Variants in LPIN1 observed in about 807,000 individuals in gnomAD.
The protein encoded by LPIN1 is lipin 1.
In LPIN1, 71 loss-of-function variants were observed where a neutral mutation model predicts 107.5. The ratio of observed to expected loss-of-function variants is 0.66; its 90% CI spans 0.55 to 0.80. LPIN1 has a LOEUF of 0.80. Among genes scored for constraint, LPIN1 ranks in the 30% least tolerant of loss-of-function variants. The probability of loss-of-function intolerance (pLI) is 0.00; values close to 1 mark genes in which losing one functional copy is unlikely to be tolerated. For synonymous variants in LPIN1, 445 were observed against 452.6 expected, an observed-to-expected ratio of 0.98 and a Z score of 0.21; for missense variants, 1,043 against 1,160.6, an observed-to-expected ratio of 0.90 and a Z score of 1.47.
intron 20 of LPIN1, among the ~76,000 whole-genome samples, chr2:11,824,265 G>T (rs955456687): frequency 2.2e-4 from 33 of 151,576 alleles, no homozygotes; most frequent in Non-Finnish European, 4.4e-4. Flanking sequence ...CCAAAGATGT[G>T]CCTTGTCTGT....
At chr2:11,817,274 G>A (rs1680733678) in intron 18 of LPIN1, 1 of 152,214 alleles carries the variant, frequency 6.6e-6, no homozygotes, top group Non-Finnish European at 1.5e-5. Context: ...GGTAGTGGGT[G>A]GATATGCGTG....
chr2:11,691,918 A>G (rs772359638), intron 1 of LPIN1, among the ~76,000 whole-genome samples: 1 of 152,218 alleles, frequency 6.6e-6, no homozygotes, highest in Non-Finnish European at 1.5e-5. Context: ...ATCTTATCAA[A>G]TGCTTCTCTG....
At chr2:11,752,462 C>A (rs1219592364) in intron 1 of LPIN1, among the ~76,000 whole-genome samples, 1 of 73,444 alleles carries the variant, frequency 1.4e-5, no homozygotes, top group African/African-American at 1.8e-4. Context: ...GACGGAGTCT[C>A]GCTCTGTCGC....
intron 1 of LPIN1, chr2:11,677,772 C>T: frequency 6.8e-7 from 1 of 1,464,264 alleles, no homozygotes; most frequent in Non-Finnish European, 9.2e-7. Context: ...AGCCCCTGCT[C>T]TTCCTCCTTC....
At chr2:11,718,835 T>C (rs532037975) in intron 2 of LPIN1, among the ~76,000 whole-genome samples, 11 of 152,220 alleles carry the variant, frequency 7.2e-5, no homozygotes, top group Non-Finnish European at 1.3e-4. Flanking sequence ...TGGGGGACAA[T>C]TCCCTTCTCC....
upstream of LPIN1, among the ~76,000 whole-genome samples, chr2:11,744,024 C>G (rs1419270189): frequency 6.6e-6 from 1 of 152,254 alleles, no homozygotes; most frequent in African/African-American, 2.4e-5. Context: ...TCCCATGATG[C>G]CTTTTTCATC....
upstream of LPIN1, among the ~76,000 whole-genome samples, chr2:11,743,327 G>A (rs1666558808): frequency 1.3e-5 from 2 of 152,178 alleles, no homozygotes; most frequent in African/African-American, 4.8e-5. The surrounding 1 kb of genome is among the most constrained non-coding windows in gnomAD (Gnocchi z 4.7). Context: ...CTGTGCTTTG[G>A]TTCCAGCTGT....
chr2:11,743,364 C>T (rs929513017), upstream of LPIN1, among the ~76,000 whole-genome samples: 2 of 152,202 alleles, frequency 1.3e-5, no homozygotes, highest in Non-Finnish European at 2.9e-5. The surrounding 1 kb of genome is among the most constrained non-coding windows in gnomAD (Gnocchi z 4.7). Context: ...ACTGTCCTCT[C>T]CCTGCGGAAC....
At chr2:11,745,407 C>T (rs1385020769), upstream of LPIN1, 1 of 152,152 alleles carries the variant, frequency 6.6e-6, no homozygotes, top group Non-Finnish European at 1.5e-5. Context: ...ATATAATTCC[C>T]AGGTTTAAAA....
At chr2:11,809,576 C>T (rs1290614610) in intron 17 of LPIN1, among the ~76,000 whole-genome samples, 1 of 152,306 alleles carries the variant, frequency 6.6e-6, no homozygotes, top group South Asian at 2.1e-4. Context: ...GCCACCACGC[C>T]CGGGTAATTT....
At chr2:11,761,211 A>G (rs1300347951) in intron 1 of LPIN1, among the ~76,000 whole-genome samples, 1 of 152,226 alleles carries the variant, frequency 6.6e-6, no homozygotes, top group Non-Finnish European at 1.5e-5. Flanking sequence ...ACACGTTAAA[A>G]TCTAAGTTCA....
intron 3 of LPIN1, among the ~76,000 whole-genome samples, chr2:11,768,707 T>C (rs368095843): frequency 2.0e-5 from 3 of 152,060 alleles, no homozygotes; most frequent in Non-Finnish European, 4.4e-5. Flanking sequence ...GAGGTCGAGG[T>C]GGGCGGATCA....
intron 1 of LPIN1, chr2:11,764,054 A>ATGTGTG (rs146894219): frequency 2.9e-5 from 3 of 104,382 alleles, no homozygotes; most frequent in Non-Finnish European, 5.5e-5. Flanking sequence ...CTATCTTCAA[A>ATGTGTG]TGTGTGTGTG....
At chr2:11,730,057 T>C (rs1665036203) in intron 1 of LPIN1, among the ~76,000 whole-genome samples, 1 of 152,226 alleles carries the variant, frequency 6.6e-6, no homozygotes, top group African/African-American at 2.4e-5. Context: ...AATTATTATT[T>C]ATTCCACCCT....
In LPIN1 at chr2:11,803,536, G is replaced by C. The variant is rs985115358; in HGVS notation, c.2013+503G>C. Among the ~76,000 whole-genome samples, 12 of 152,132 alleles carry C rather than the reference G, an allele frequency of 7.9e-5. No individual in the cohort carries two copies. The highest frequency in any genetic ancestry group is 2.9e-4 in the African/African-American group (12 of 41,420). ...CAGTTTTAATTAAAAGCCCTTTCTTGGATCCCGTTGGTCATGGCCAGTGAG... is the reference window on the plus strand; with the variant it reads ...CAGTTTTAATTAAAAGCCCTTTCTTCGATCCCGTTGGTCATGGCCAGTGAG... On this transcript the variant is annotated intron_variant, in intron 15 of 20. Coordinates refer to ENST00000674199, the MANE Select transcript of LPIN1 (RefSeq NM_001349206.2). The surrounding 1 kb of genome is among the most constrained non-coding windows in gnomAD (Gnocchi z 4.2).
intron 20 of LPIN1, chr2:11,822,980 G>C (rs1479730234): frequency 1.3e-5 from 2 of 152,230 alleles, no homozygotes; most frequent in Non-Finnish European, 2.9e-5. Context: ...CTGGAGGCGG[G>C]GTTGTTCCTG....
intron 1 of LPIN1, among the ~76,000 whole-genome samples, chr2:11,748,364 G>C (rs1034261773): frequency 3.3e-5 from 5 of 152,240 alleles, no homozygotes; most frequent in African/African-American, 1.2e-4. Flanking sequence ...AGAGCACTGG[G>C]CTTTGCAGTT....
chr2:11,816,357 G>A (rs894882434), intron 18 of LPIN1: 21 of 152,168 alleles, frequency 1.4e-4, no homozygotes, highest in African/African-American at 4.8e-4. Context: ...GTGAAATTGT[G>A]TCCCTAAGCT....
intron 1 of LPIN1, among the ~76,000 whole-genome samples, chr2:11,703,221 G>A (rs1662968846): frequency 6.6e-6 from 1 of 152,160 alleles, no homozygotes; most frequent in Non-Finnish European, 1.5e-5. Flanking sequence ...CCATGGAACT[G>A]GTTTTTGCAT....
Sources: allele counts gnomAD v4.1 joint callset (sites outside exome capture counted in the v4.1 genomes callset), GRCh38; gene constraint gnomAD v4.1.1; non-coding constraint Gnocchi (gnomAD v3.1); transcripts MANE v1.5; gene names NCBI Gene and HGNC (gene_info 2026-07-23, HGNC 2026-07-21).